The following MRPL1 variants were observed in gnomAD, a reference collection of about 807,000 sequenced individuals.
The protein encoded by MRPL1 is mitochondrial ribosomal protein L1.
In MRPL1, 28 loss-of-function variants were observed where a neutral mutation model predicts 38.0. The observed-to-expected ratio is 0.74, with a 90% CI of 0.55 to 1.01. MRPL1 has a LOEUF of 1.01. MRPL1 is among the 50% of genes least tolerant of loss of function. The probability of loss-of-function intolerance (pLI) is 0.00; values close to 1 mark genes in which losing one functional copy is unlikely to be tolerated. For synonymous variants in MRPL1, 123 were observed against 126.7 expected (o/e 0.97, Z 0.20); for missense variants, 358 against 389.8 (o/e 0.92, Z 0.69).
At chr4:77,906,778 GT>G (rs1460653954) in intron 6 of MRPL1, among the ~76,000 whole-genome samples, 6 of 152,074 alleles carry the variant, frequency 3.9e-5, no homozygotes, top group East Asian at 3.8e-4. Flanking sequence ...GATGTAGATG[GT>G]TTAACCAGGT....
intron 7 of MRPL1, among the ~76,000 whole-genome samples, chr4:77,939,993 TTC>T (rs2110264341): frequency 6.6e-6 from 1 of 152,340 alleles, no homozygotes; most frequent in African/African-American, 2.4e-5. Flanking sequence ...TCCAGATTTG[TTC>T]TTTTTGCTTA....
intron 1 of MRPL1, among the ~76,000 whole-genome samples, chr4:77,868,638 G>A (rs1302693759): frequency 6.6e-6 from 1 of 152,174 alleles, no homozygotes; most frequent in Non-Finnish European, 1.5e-5. Flanking sequence ...TCTATTCAGG[G>A]GAGACTCTTC....
intron 2 of MRPL1, 143 bp downstream of exon 2, chr4:77,871,998 G>T (rs1230420118): frequency 6.5e-6 from 4 of 616,690 alleles, no homozygotes; most frequent in Non-Finnish European, 1.1e-5. Flanking sequence ...TAGTCCTGAA[G>T]GAAAGATAAG....
chr4:77,913,549 T>A (rs1035419902), intron 7 of MRPL1, among the ~76,000 whole-genome samples: 1 of 152,212 alleles, frequency 6.6e-6, no homozygotes, highest in Non-Finnish European at 1.5e-5. Flanking sequence ...TTTGTGGGTA[T>A]GTTAAATGAT....
chr4:77,886,556 G>A (rs1035853568), intron 4 of MRPL1, among the ~76,000 whole-genome samples: 1 of 151,922 alleles, frequency 6.6e-6, no homozygotes, highest in African/African-American at 2.4e-5. Context: ...CTGGTCTCGA[G>A]CTCCTGACCT....
chr4:77,933,596 A>G (rs1490288357), intron 7 of MRPL1, among the ~76,000 whole-genome samples: 1 of 152,236 alleles, frequency 6.6e-6, no homozygotes, highest in Non-Finnish European at 1.5e-5. Context: ...GCAGAGAGGC[A>G]AAAGACTGGA....
At chr4:77,882,230 C>G (rs1578040981) in intron 2 of MRPL1, among the ~76,000 whole-genome samples, 1 of 152,176 alleles carries the variant, frequency 6.6e-6, no homozygotes, top group East Asian at 1.9e-4. Context: ...TAGCTTCCTT[C>G]TTATACCATT....
intron 1 of MRPL1, 23 bp downstream of exon 1, chr4:77,862,902 A>C (rs1387245409): frequency 1.9e-6 from 3 of 1,613,946 alleles, no homozygotes; most frequent in Admixed American, 3.3e-5. Context: ...GTTGTCTTGC[A>C]GGGGAAATGG....
intron 7 of MRPL1, among the ~76,000 whole-genome samples, chr4:77,946,706 C>T (rs1737277706): frequency 6.6e-6 from 1 of 152,180 alleles, no homozygotes. Flanking sequence ...TCCCTGACTT[C>T]CCACAACAAT....
intron 2 of MRPL1, among the ~76,000 whole-genome samples, chr4:77,881,016 C>G (rs895741702): frequency 3.3e-5 from 5 of 152,186 alleles, no homozygotes; most frequent in Non-Finnish European, 7.3e-5. Context: ...GCATGTTCTT[C>G]TAATGAAAAG....
At position 77,923,916 on chromosome 4, in the gene MRPL1, G is replaced by A. The variant is rs748515535; in HGVS notation, c.777+14544G>A. Among the ~76,000 whole-genome samples, 5 of 151,898 alleles carry A rather than the reference G, an allele frequency of 3.3e-5. 1 individual carries two copies. The highest frequency in any genetic ancestry group is 7.3e-5 in the African/African-American group (3 of 41,350). On this transcript the variant is annotated intron_variant, in intron 7 of 8. Transcript: ENST00000315567. ...CCTCAGGGGCGGAAGCAAGAGAATC[G>A]CTTGAACCTGGGAGGCGGAGGTTGC...
In MRPL1 at chr4:77,894,323, G is replaced by A. The variant is rs2110240732; in HGVS notation, c.670+73G>A. Reference sequence around the variant, plus strand: ...GAACTTTGCTTAGTTAGGAAACAAAGTTGTTCATGTATGCGTAGAATAAAT... The same window carrying A: ...GAACTTTGCTTAGTTAGGAAACAAAATTGTTCATGTATGCGTAGAATAAAT... On this transcript the variant is annotated intron_variant, in intron 6 of 8. Transcript: ENST00000315567. The A allele has an allele frequency of 4.3e-6, 4 of 922,470 alleles. No individual in the cohort carries two copies. In the African/African-American group the frequency reaches 5.0e-5, roughly 12 times the overall value. The allele number at this position is 922,470 out of a possible 1,614,324, so 57.1% of individuals were successfully genotyped here. A position where few individuals can be genotyped will look rare whatever the true frequency, so the allele number is the denominator to read the frequency against.
At chr4:77,906,789 T>C (rs1288724601) in intron 6 of MRPL1, among the ~76,000 whole-genome samples, 1 of 152,236 alleles carries the variant, frequency 6.6e-6, no homozygotes, top group Non-Finnish European at 1.5e-5. Flanking sequence ...TTTAACCAGG[T>C]ATCTGTTTTT....
At chr4:77,915,746 A>G (rs988847536) in intron 7 of MRPL1, among the ~76,000 whole-genome samples, 1 of 152,180 alleles carries the variant, frequency 6.6e-6, no homozygotes, top group Non-Finnish European at 1.5e-5. Flanking sequence ...TACCATTTGT[A>G]TCTGTAACTT....
At chr4:77,940,289 A>C (rs902202583) in intron 7 of MRPL1, among the ~76,000 whole-genome samples, 1 of 151,800 alleles carries the variant, frequency 6.6e-6, no homozygotes, top group Admixed American at 6.6e-5. Context: ...TAAGTATTTT[A>C]TTTTATTTTT....
chr4:77,944,885 A>G (rs1421781027), intron 7 of MRPL1, among the ~76,000 whole-genome samples: 1 of 152,130 alleles, frequency 6.6e-6, no homozygotes, highest in African/African-American at 2.4e-5. Context: ...TAAGCTAGTA[A>G]GGTGGTGGAA....
chr4:77,940,705 T>C (rs1411228881), intron 7 of MRPL1, among the ~76,000 whole-genome samples: 1 of 152,200 alleles, frequency 6.6e-6, no homozygotes, highest in East Asian at 1.9e-4. Flanking sequence ...TTTATTACAT[T>C]AAGGTGTGTC....
intron 6 of MRPL1, among the ~76,000 whole-genome samples, chr4:77,899,112 G>A (rs1315719351): frequency 6.7e-6 from 1 of 149,702 alleles, no homozygotes; most frequent in Non-Finnish European, 1.5e-5. Context: ...TCTTGCCTCA[G>A]CCACCAGAAT....
intron 1 of MRPL1, among the ~76,000 whole-genome samples, chr4:77,867,759 T>C (rs1381420712): frequency 6.9e-6 from 1 of 145,066 alleles, no homozygotes; most frequent in South Asian, 2.2e-4. Flanking sequence ...TTTTTTTTTT[T>C]TTTTTTTTTT....
Sources: allele counts gnomAD v4.1 joint callset (sites outside exome capture counted in the v4.1 genomes callset), GRCh38; gene constraint gnomAD v4.1.1; transcripts MANE v1.5; gene names NCBI Gene and HGNC (gene_info 2026-07-23, HGNC 2026-07-21).